NLRP1: variants seen among roughly 807,000 people sequenced by gnomAD.
The protein encoded by NLRP1 is NLR family pyrin domain containing 1, also known as NACHT, LRR and PYD domains-containing protein 1.
Under a neutral mutation model 136.7 loss-of-function variants are expected in NLRP1, and 94 were observed. The observed-to-expected ratio is 0.69, with a 90% CI of 0.58 to 0.82. NLRP1 has a LOEUF of 0.82. Ranked by LOEUF, NLRP1 falls within the 40% of genes least tolerant of loss-of-function variation. The pLI is 0.00. For synonymous variants in NLRP1, 690 were observed against 725.1 expected, an observed-to-expected ratio of 0.95 and a Z score of 0.78; for missense variants, 1,575 against 1,802.7, an observed-to-expected ratio of 0.87 and a Z score of 2.29.
At chr17:5,543,579 A>C (rs1387022055) in intron 5 of NLRP1, among the ~76,000 whole-genome samples, 4 of 151,874 alleles carry the variant, frequency 2.6e-5, no homozygotes, top group Non-Finnish European at 2.9e-5. Flanking sequence ...CTTTAGAAAG[A>C]TCCCTGAGGG....
chr17:5,549,651 T>C (rs554721555), intron 5 of NLRP1, among the ~76,000 whole-genome samples: 1 of 152,332 alleles, frequency 6.6e-6, no homozygotes, highest in Admixed American at 6.5e-5. Flanking sequence ...AATAATAGTT[T>C]AATTACTTTC....
chr17:5,508,152 G>A lies in NLRP1; in HGVS notation c.4070-6280C>T, dbSNP rs141417643. On this transcript the variant is annotated intron_variant, in intron 15 of 15. Coordinates refer to the NLRP1 transcript ENST00000262467. ...CGGTCTCAGAAAAAAAAAAAAATTA[G>A]CTGGGTATGGTGGTGTGCACCTGTA... Among the ~76,000 whole-genome samples the A allele has an allele frequency of 4.1e-3, 554 of 136,246 alleles. 2 individuals are homozygous for A. The highest frequency in any genetic ancestry group is 0.015 in the African/African-American group (523 of 34,990). 89.4% of individuals were successfully genotyped at this position (136,246 alleles called of 152,430 possible).
chr17:5,582,208 A>G (rs1905743115), intron 2 of NLRP1, 146 bp from the exon 3 acceptor site: 1 of 733,244 alleles, frequency 1.4e-6, no homozygotes, highest in Non-Finnish European at 2.2e-6. Context: ...GGGCAATTTT[A>G]TTCTCTTAGT....
At chr17:5,516,965 AATTTTCTCTATCCCAGAAAATTTATT>A (rs1273050095) in intron 15 of NLRP1, among the ~76,000 whole-genome samples, 2 of 152,190 alleles carry the variant, frequency 1.3e-5, no homozygotes, top group Non-Finnish European at 2.9e-5. Context: ...AGAGTCCATA[AATTTTCTCTATCCCAGAAAATTTATT>A]ATTTGATTTC....
intron 12 of NLRP1, among the ~76,000 whole-genome samples, chr17:5,522,898 T>C (rs1909072822): frequency 6.6e-6 from 1 of 152,172 alleles, no homozygotes; most frequent in Non-Finnish European, 1.5e-5. Flanking sequence ...GTTTGGCCAC[T>C]CACTATTCAA....
At chr17:5,568,985 T>A (rs1464683477) in intron 3 of NLRP1, among the ~76,000 whole-genome samples, 3 of 152,132 alleles carry the variant, frequency 2.0e-5, no homozygotes, top group Admixed American at 1.3e-4. Flanking sequence ...CCTACCACTA[T>A]GACTGTGCTC....
Position 5,558,762 on chromosome 17 carries a change from T to G in NLRP1, c.1934A>C (p.Lys645Thr). ...CAAATCTATGATGCAATTAGAATGT[T>G]TACCTCTCCCCTTCTCATCCTCCAA... ...YVLEDEKGRG[K>T]HSNCIIDLEK... is the part of the protein sequence containing the mutation. The change falls in exon 4 of 17, where the codon AAA becomes ACA. Residue 645 changes from lysine (K) to threonine (T), a missense_variant. Lys to Thr is a moderately conservative substitution (Grantham distance 78). Coordinates refer to ENST00000572272, the MANE Select transcript of NLRP1 (RefSeq NM_033004.4). 1 of 1,614,120 alleles carries G rather than the reference T, an allele frequency of 6.2e-7. No homozygotes were observed. Among genetic ancestry groups the G allele is most frequent in the East Asian group, 2.2e-5 (1 of 44,882 alleles).
chr17:5,506,284 CAAAA>C (rs201536042), intron 15 of NLRP1, among the ~76,000 whole-genome samples: 2 of 127,194 alleles, frequency 1.6e-5, no homozygotes, highest in African/African-American at 5.5e-5. Flanking sequence ...AAGTCTGTCT[CAAAA>C]AAAAAAAAAA....
downstream of NLRP1, among the ~76,000 whole-genome samples, chr17:5,509,340 CCT>C (rs1025780509): frequency 6.6e-6 from 1 of 152,206 alleles, no homozygotes; most frequent in Admixed American, 6.5e-5. Context: ...TCTTCCTTCC[CCT>C]GCTTCCTTCT....
intron 12 of NLRP1, among the ~76,000 whole-genome samples, chr17:5,527,126 G>T: frequency 6.6e-6 from 1 of 152,234 alleles, no homozygotes; most frequent in Non-Finnish European, 1.5e-5. Context: ...CAGCCTCTGT[G>T]CATTTTGCCT....
chr17:5,535,902 A>T (rs1910985368), intron 8 of NLRP1, among the ~76,000 whole-genome samples: 1 of 152,074 alleles, frequency 6.6e-6, no homozygotes, highest in South Asian at 2.1e-4. Flanking sequence ...CTTGCCCCTC[A>T]AGTCAGGGGT....
At chr17:5,576,576 G>A (rs936650786) in intron 3 of NLRP1, among the ~76,000 whole-genome samples, 3 of 152,138 alleles carry the variant, frequency 2.0e-5, no homozygotes, top group African/African-American at 7.2e-5. Flanking sequence ...ACTAAACCAG[G>A]AAGAAGTTGA....
At chr17:5,519,287 C>G (rs993905734) in intron 14 of NLRP1, among the ~76,000 whole-genome samples, 2 of 151,812 alleles carry the variant, frequency 1.3e-5, no homozygotes, top group Non-Finnish European at 2.9e-5. Flanking sequence ...CAGGCTTGAG[C>G]CACCACACCC....
At chr17:5,553,735 C>T (rs901946635) in intron 4 of NLRP1, among the ~76,000 whole-genome samples, 179 bp from the exon 5 acceptor site, 1 of 152,230 alleles carries the variant, frequency 6.6e-6, no homozygotes, top group African/African-American at 2.4e-5. Context: ...GGGCTAGGTC[C>T]CTCTCCTCCA....
intron 15 of NLRP1, chr17:5,505,375 A>C (rs1475606030): frequency 6.6e-6 from 1 of 152,408 alleles, no homozygotes; most frequent in African/African-American, 2.4e-5. Context: ...AAGGCAGAGA[A>C]GGGGAGGCTG....
intron 8 of NLRP1, 49 bp from the exon 9 acceptor site, chr17:5,534,037 G>A (rs1388207976): frequency 1.5e-6 from 2 of 1,290,892 alleles, no homozygotes; most frequent in Non-Finnish European, 2.3e-6. Flanking sequence ...GGAAGCGAGG[G>A]CTGTCCACAT....
At chr17:5,563,580 A>G (rs1914994318) in intron 3 of NLRP1, among the ~76,000 whole-genome samples, 1 of 152,244 alleles carries the variant, frequency 6.6e-6, no homozygotes, top group African/African-American at 2.4e-5. Flanking sequence ...AAAATAAAAA[A>G]GAATGAAAAC....
intron 12 of NLRP1, among the ~76,000 whole-genome samples, chr17:5,523,228 A>G (rs1008360936): frequency 6.6e-6 from 1 of 152,130 alleles, no homozygotes; most frequent in East Asian, 1.9e-4. Flanking sequence ...CAAGGTTGCA[A>G]TGAGCTATGA....
In NLRP1 at chr17:5,504,799, C is replaced by CTGGGCCTCACCCTGCAGCAAAACAGACT. The variant is rs1907257756; in HGVS notation, c.4070-2955_4070-2928dup. 6.6e-6 allele frequency: 1 copy of CTGGGCCTCACCCTGCAGCAAAACAGACT among 152,564 alleles called. No individual in the cohort carries two copies. The highest frequency in any genetic ancestry group is 2.4e-5 in the African/African-American group (1 of 41,460). The allele number at this position is 152,564 out of a possible 1,614,324, so 9.5% of individuals were successfully genotyped here. Reference sequence around the variant, plus strand: ...CTGTTAGCCTTTCCCAGGCCGCATTCTGGGCCTCACCCTGCAGCAAAACAG... The same window carrying CTGGGCCTCACCCTGCAGCAAAACAGACT: ...CTGTTAGCCTTTCCCAGGCCGCATTCTGGGCCTCACCCTGCAGCAAAACAGACTTGGGCCTCACCCTGCAGCAAAACAG... On this transcript the variant is annotated intron_variant, in intron 15 of 15. Coordinates refer to the NLRP1 transcript ENST00000262467. The surrounding 1 kb of genome is among the most constrained non-coding windows in gnomAD (Gnocchi z 4.4).
Sources: gnomAD v4.1 joint callset for allele counts (sites outside exome capture counted in the v4.1 genomes callset) on GRCh38, gnomAD v4.1.1 for gene constraint, Gnocchi (gnomAD v3.1) non-coding constraint, MANE v1.5 for transcripts, NCBI Gene and HGNC (gene_info 2026-07-23, HGNC 2026-07-21) for gene names.